Variants in PCBP3 observed in about 807,000 individuals in gnomAD.
PCBP3 encodes the protein poly(rC)-binding protein 3.
Under a neutral mutation model 52.7 loss-of-function variants are expected in PCBP3, and 25 were observed. That is an observed-to-expected ratio of 0.47 (90% CI 0.35 to 0.66). The LOEUF is 0.66. Ranked by LOEUF, PCBP3 falls within the 30% of genes least tolerant of loss-of-function variation. PCBP3 has a pLI of 0.01. For missense variants in PCBP3, 391 were observed against 490.3 expected (o/e 0.80, Z 1.91); for synonymous variants, 162 against 183.0 (o/e 0.89, Z 0.93).
chr21:45,827,916 G>A lies in PCBP3; in HGVS notation c.-125-22045G>A, dbSNP rs2093347809. 6.6e-6 allele frequency: 1 copy of A among 152,318 alleles called. No individual in the cohort carries two copies. The highest frequency in any genetic ancestry group is 1.9e-4 in the East Asian group (1 of 5,184). 9.4% of individuals were successfully genotyped at this position (152,318 alleles called of 1,614,324 possible). On this transcript the variant is annotated intron_variant, in intron 4 of 17. Coordinates refer to ENST00000681687, the MANE Select transcript of PCBP3 (RefSeq NM_001384156.1). This position sits in a 1 kb window ranked among gnomAD's most constrained non-coding sequence, Gnocchi z 4.3. ...TGGGAAGGAGGCAGAGCAGCTCTGAGGGGCTTGGGGAGGCTGTAGTAATGA... is the reference window on the plus strand; with the variant it reads ...TGGGAAGGAGGCAGAGCAGCTCTGAAGGGCTTGGGGAGGCTGTAGTAATGA...
In PCBP3 at chr21:45,669,801, G is replaced by GT. The variant is rs1385598083; in HGVS notation, c.-200+850dup. Reference sequence around the variant, plus strand: ...ATAATATTCCATTGTGTGTGTGTGTGTGTGTATATATATATATATATATAT... The same window carrying GT: ...ATAATATTCCATTGTGTGTGTGTGTGTTGTGTATATATATATATATATATAT... On this transcript the variant is annotated intron_variant, in intron 2 of 17. Transcript: ENST00000681687. Among the ~76,000 whole-genome samples the GT allele has an allele frequency of 5.8e-5, 4 of 69,050 alleles. No homozygotes were observed. The South Asian group carries it at 2.1e-3, about 36-fold the overall frequency. 45.3% of individuals were successfully genotyped at this position (69,050 alleles called of 152,430 possible). A position where few individuals can be genotyped will look rare whatever the true frequency, so the allele number is the denominator to read the frequency against.
chr21:45,796,244 A>T (rs1229404440), intron 4 of PCBP3, among the ~76,000 whole-genome samples: 1 of 151,352 alleles, frequency 6.6e-6, no homozygotes, highest in Non-Finnish European at 1.5e-5. Flanking sequence ...AAGAATTGTT[A>T]AAAAAAAATC....
intron 15 of PCBP3, among the ~76,000 whole-genome samples, chr21:45,934,546 T>C (rs1314180014): frequency 6.6e-6 from 1 of 152,244 alleles, no homozygotes; most frequent in African/African-American, 2.4e-5. Context: ...AATGTGCAGC[T>C]TTTCATTGGC....
intron 6 of PCBP3, among the ~76,000 whole-genome samples, chr21:45,896,707 G>C (rs2095839287): frequency 7.0e-6 from 1 of 143,254 alleles, no homozygotes; most frequent in African/African-American, 2.5e-5. Context: ...GCGGCACATA[G>C]AACCAGAGAT....
Position 45,909,438 on chromosome 21 carries a change from T to G in PCBP3, c.423T>G (p.Cys141Trp). ...TLRLVVPASQCGSLIGKGGSK... is the reference protein window; with the variant it reads ...TLRLVVPASQWGSLIGKGGSK... Reference sequence around the variant, plus strand: ...GGCTGGTGGTGCCTGCCAGCCAGTGTGGGTCCCTGATCGGCAAAGGAGGCT... The same window carrying G: ...GGCTGGTGGTGCCTGCCAGCCAGTGGGGGTCCCTGATCGGCAAAGGAGGCT... The change falls in exon 10 of 18, where the codon TGT becomes TGG. Residue 141 changes from cysteine to tryptophan, a missense_variant. Physicochemically the swap from Cys to Trp is radical, Grantham distance 215 (BLOSUM62 -2). Transcript: ENST00000681687. 2 of 1,613,130 alleles carry G rather than the reference T, an allele frequency of 1.2e-6. No individual in the cohort carries two copies. The highest frequency in any genetic ancestry group is 1.7e-6 in the Non-Finnish European group (2 of 1,179,664).
intron 15 of PCBP3, among the ~76,000 whole-genome samples, chr21:45,931,130 A>C (rs2076125678): frequency 6.6e-6 from 1 of 152,220 alleles, no homozygotes; most frequent in Non-Finnish European, 1.5e-5. Context: ...GTTTTGTAGG[A>C]CTACAAGCAA....
intron 2 of PCBP3, among the ~76,000 whole-genome samples, chr21:45,725,438 C>G (rs906594053): frequency 1.3e-5 from 2 of 152,230 alleles, no homozygotes; most frequent in Admixed American, 1.3e-4. Context: ...GGCACAGATG[C>G]CCTGGGCCTC....
chr21:45,932,751 T>C (rs1466985165), intron 15 of PCBP3, among the ~76,000 whole-genome samples: 1 of 123,198 alleles, frequency 8.1e-6, no homozygotes, highest in African/African-American at 3.2e-5. Flanking sequence ...GAACACCTGG[T>C]CCATGCCATC....
At chr21:45,703,877 A>G (rs1314497027) in intron 2 of PCBP3, among the ~76,000 whole-genome samples, 1 of 152,162 alleles carries the variant, frequency 6.6e-6, no homozygotes, top group Non-Finnish European at 1.5e-5. Context: ...TAGCCTAGCA[A>G]GGTGGCTTTG....
intron 2 of PCBP3, among the ~76,000 whole-genome samples, chr21:45,730,204 C>T (rs2085350551): frequency 6.6e-6 from 1 of 151,888 alleles, no homozygotes; most frequent in Non-Finnish European, 1.5e-5. Context: ...CTGCCTCCCA[C>T]ATATTTTGAT....
chr21:45,662,280 T>G (rs983587954), intron 1 of PCBP3, among the ~76,000 whole-genome samples: 4 of 28,398 alleles, frequency 1.4e-4, no homozygotes, highest in Middle Eastern at 0.023. Context: ...AGTTTTTTTT[T>G]TTTTTTTTTT....
At chr21:45,885,551 T>A (rs1216794314) in intron 5 of PCBP3, among the ~76,000 whole-genome samples, 1 of 152,184 alleles carries the variant, frequency 6.6e-6, no homozygotes, top group Non-Finnish European at 1.5e-5. Context: ...GTCCCACAGG[T>A]CTCAGGGGCC....
chr21:45,723,513 T>C (rs1214942310), intron 2 of PCBP3, among the ~76,000 whole-genome samples: 1 of 152,262 alleles, frequency 6.6e-6, no homozygotes, highest in Non-Finnish European at 1.5e-5. Flanking sequence ...AAAAATCATT[T>C]CGTAAATCAT....
chr21:45,766,434 GTCTC>G (rs1173298081), intron 4 of PCBP3, among the ~76,000 whole-genome samples: 2 of 152,172 alleles, frequency 1.3e-5, no homozygotes, highest in East Asian at 1.9e-4. Flanking sequence ...TGCGAGAGCT[GTCTC>G]TCTCTCTGCA....
intron 2 of PCBP3, among the ~76,000 whole-genome samples, chr21:45,730,092 G>A (rs771405602): frequency 2.1e-4 from 32 of 151,372 alleles, no homozygotes; most frequent in Non-Finnish European, 4.4e-5. Context: ...TCTTCTGCTT[G>A]TTTTGCTCTG....
At chr21:45,927,497 C>T (rs1025397893) in intron 13 of PCBP3, among the ~76,000 whole-genome samples, 4 of 150,036 alleles carry the variant, frequency 2.7e-5, no homozygotes, top group African/African-American at 9.8e-5. Flanking sequence ...CTGTTCTCTC[C>T]TTTAAAAAAT....
intron 5 of PCBP3, among the ~76,000 whole-genome samples, chr21:45,885,751 G>C (rs2095502639): frequency 6.6e-6 from 1 of 152,136 alleles, no homozygotes; most frequent in Admixed American, 6.5e-5. Flanking sequence ...CTCTGTGGAG[G>C]TATTCTATTC....
At chr21:45,929,889 C>T (rs2075955066) in intron 13 of PCBP3, 28 bp from the exon 14 acceptor site, 4 of 1,573,660 alleles carry the variant, frequency 2.5e-6, no homozygotes, top group Non-Finnish European at 2.6e-6. Context: ...CAATAACCTT[C>T]TTAGCTCTCG....
intron 4 of PCBP3, chr21:45,763,761 T>G (rs1362739837): frequency 1.3e-5 from 2 of 152,312 alleles, no homozygotes; most frequent in African/African-American, 2.4e-5. Flanking sequence ...CGAGTGTCGC[T>G]GGTTGCACGT....
Sources: allele counts gnomAD v4.1 joint callset (sites outside exome capture counted in the v4.1 genomes callset), GRCh38; gene constraint gnomAD v4.1.1; non-coding constraint Gnocchi (gnomAD v3.1); transcripts MANE v1.5; gene names NCBI Gene and HGNC (gene_info 2026-07-23, HGNC 2026-07-21).